PTPRD: variants seen among roughly 807,000 people sequenced by gnomAD.
PTPRD encodes protein tyrosine phosphatase receptor type D.
In PTPRD, 34 loss-of-function variants were observed where a neutral mutation model predicts 214.5. That is an observed-to-expected ratio of 0.16 (90% confidence interval 0.12 to 0.21). The LOEUF is 0.21. Among genes scored for constraint, PTPRD ranks in the 10% least tolerant of loss-of-function variants. The pLI, the probability that PTPRD is intolerant of heterozygous loss-of-function variation, is 1.00. For synonymous variants in PTPRD, 1,128 were observed against 845.7 expected (o/e 1.33, Z -5.79); for missense variants, 2,545 against 2,398.7 (o/e 1.06, Z -1.27).
chr9:8,617,693 G>C (rs1051480456), intron 14 of PTPRD, among the ~76,000 whole-genome samples: 2 of 152,000 alleles, frequency 1.3e-5, no homozygotes, highest in East Asian at 1.9e-4. Context: ...TGAATTTAAA[G>C]AGTCTAAAAA....
chr9:8,774,705 T>C (rs2095397208), intron 11 of PTPRD, among the ~76,000 whole-genome samples: 1 of 151,940 alleles, frequency 6.6e-6, no homozygotes, highest in Non-Finnish European at 1.5e-5. Context: ...TGGCTAATTT[T>C]GTATTTTTAG....
At chr9:10,329,494 A>G (rs950567005) in intron 3 of PTPRD, among the ~76,000 whole-genome samples, 1 of 151,838 alleles carries the variant, frequency 6.6e-6, no homozygotes, top group East Asian at 1.9e-4. Flanking sequence ...TCTGTTCATG[A>G]ATATTTTTTC....
At chr9:10,184,387 G>A (rs568034477) in intron 3 of PTPRD, among the ~76,000 whole-genome samples, 4 of 151,902 alleles carry the variant, frequency 2.6e-5, no homozygotes, top group East Asian at 1.9e-4. Context: ...ATGGCACCAC[G>A]GCACTCCAGC....
intron 12 of PTPRD, among the ~76,000 whole-genome samples, chr9:8,730,491 TATA>T: frequency 6.6e-6 from 1 of 152,194 alleles, no homozygotes; most frequent in East Asian, 1.9e-4. Context: ...CAGGTTTAAT[TATA>T]ATGACCACAG....
At chr9:9,313,295 A>G (rs1473024350) in intron 9 of PTPRD, among the ~76,000 whole-genome samples, 3 of 152,164 alleles carry the variant, frequency 2.0e-5, no homozygotes, top group African/African-American at 4.8e-5. Context: ...TGTATAGATG[A>G]TCTCTCTGTT....
intron 2 of PTPRD, among the ~76,000 whole-genome samples, chr9:10,453,261 A>C (rs920079206): frequency 2.6e-5 from 4 of 151,504 alleles, no homozygotes; most frequent in African/African-American, 9.7e-5. Context: ...TGATGTCTCC[A>C]GCTATTTGTT....
chr9:9,715,789 A>G (rs982315870), intron 7 of PTPRD, among the ~76,000 whole-genome samples: 15 of 152,336 alleles, frequency 9.8e-5, no homozygotes, highest in African/African-American at 3.6e-4. Context: ...CGATTTTCAC[A>G]GAATATATAA....
At chr9:9,840,634 G>A (rs535792156) in intron 5 of PTPRD, among the ~76,000 whole-genome samples, 169 of 151,702 alleles carry the variant, frequency 1.1e-3, no homozygotes, top group African/African-American at 3.9e-3. Context: ...GTGGTGGCGC[G>A]TGCCTGTAGT....
rs10958961 is a variant in PTPRD at position 10,224,687 on chromosome 9, C to T, written c.-545+116276G>A. ...CCTTGAACATCATGAGTTTGAAATGCGCTGGTCCACTGACACACACATTTT... is the reference window on the plus strand; with the variant it reads ...CCTTGAACATCATGAGTTTGAAATGTGCTGGTCCACTGACACACACATTTT... On this transcript the variant is annotated intron_variant, in intron 3 of 45. Coordinates refer to ENST00000381196, the MANE Select transcript of PTPRD (RefSeq NM_002839.4). Among the ~76,000 whole-genome samples the T allele has an allele frequency of 9.3e-3, 1,418 of 151,908 alleles. 13 individuals are homozygous for T. Among genetic ancestry groups the T allele is most frequent in the Non-Finnish European group, 0.016 (1,080 of 67,914 alleles).
At chr9:8,797,331 A>G (rs1338993717) in intron 11 of PTPRD, 1 of 152,210 alleles carries the variant, frequency 6.6e-6, no homozygotes, top group African/African-American at 2.4e-5. Context: ...TGAAAAGCTC[A>G]TTTAAAGGAA....
At chr9:10,201,442 T>G (rs1192107645) in intron 3 of PTPRD, among the ~76,000 whole-genome samples, 1 of 152,078 alleles carries the variant, frequency 6.6e-6, no homozygotes, top group African/African-American at 2.4e-5. Flanking sequence ...GCTAGATGAA[T>G]AAAACAAGTT....
chr9:9,453,019 T>C (rs953843210), intron 8 of PTPRD, among the ~76,000 whole-genome samples: 38 of 63,920 alleles, frequency 5.9e-4, no homozygotes, highest in Non-Finnish European at 1.1e-3. Context: ...AAGCCTATTT[T>C]ATTTTTTTTT....
chr9:10,331,600 T>C (rs944196025), intron 3 of PTPRD, among the ~76,000 whole-genome samples: 47 of 151,856 alleles, frequency 3.1e-4, no homozygotes, highest in African/African-American at 9.4e-4. Context: ...TCTTGTGTTA[T>C]ACACTATGCT....
intron 35 of PTPRD, among the ~76,000 whole-genome samples, chr9:8,418,921 C>T (rs551073823): frequency 4.6e-5 from 7 of 152,074 alleles, no homozygotes; most frequent in Non-Finnish European, 7.4e-5. Flanking sequence ...TATACCCATG[C>T]TAGGAGATTT....
chr9:9,875,869 A>T (rs1411859603), intron 5 of PTPRD, among the ~76,000 whole-genome samples: 1 of 152,166 alleles, frequency 6.6e-6, no homozygotes. Context: ...AAAAAAGGAA[A>T]TGCAGAGATT....
intron 2 of PTPRD, among the ~76,000 whole-genome samples, chr9:10,490,107 T>C (rs938873801): frequency 3.9e-5 from 6 of 152,182 alleles, no homozygotes; most frequent in Non-Finnish European, 8.8e-5. Flanking sequence ...ATCTCAGTAG[T>C]CAATTTAAAG....
chr9:8,561,494 A>G (rs1341359154), intron 14 of PTPRD, among the ~76,000 whole-genome samples: 1 of 152,088 alleles, frequency 6.6e-6, no homozygotes, highest in East Asian at 1.9e-4. Flanking sequence ...AAACTATAAC[A>G]CAGGTGGGCT....
At chr9:8,541,948 A>G (rs2078548882) in intron 14 of PTPRD, among the ~76,000 whole-genome samples, 1 of 152,146 alleles carries the variant, frequency 6.6e-6, no homozygotes, top group Non-Finnish European at 1.5e-5. Context: ...TCAAAGTAAA[A>G]CTGCCAAACA....
At chr9:9,618,467 T>A (rs1039276327) in intron 7 of PTPRD, among the ~76,000 whole-genome samples, 2 of 151,410 alleles carry the variant, frequency 1.3e-5, no homozygotes, top group Non-Finnish European at 2.9e-5. Context: ...ATGAGAAGAG[T>A]TGAGAACATG....
Sources: gnomAD v4.1 joint callset for allele counts (sites outside exome capture counted in the v4.1 genomes callset) on GRCh38, gnomAD v4.1.1 for gene constraint, MANE v1.5 for transcripts, NCBI Gene and HGNC (gene_info 2026-07-23, HGNC 2026-07-21) for gene names.